Variants in TMEM117 observed in about 807,000 individuals in gnomAD.
TMEM117 encodes the protein transmembrane protein 117.
A neutral mutation model predicts 52.4 loss-of-function variants in TMEM117; 27 were observed. That is an observed-to-expected ratio of 0.51 (90% CI 0.38 to 0.71). TMEM117 has a LOEUF of 0.71. Among genes scored for constraint, TMEM117 ranks in the 30% least tolerant of loss-of-function variants. TMEM117 has a pLI of 0.00. For missense variants in TMEM117, 556 were observed against 630.5 expected (o/e 0.88, Z 1.26); for synonymous variants, 215 against 206.3 (o/e 1.04, Z -0.36).
the TMEM117 span, among the ~76,000 whole-genome samples, chr12:43,827,016 T>C: frequency 1.3e-5 from 2 of 151,568 alleles, no homozygotes; most frequent in Non-Finnish European, 2.9e-5. Context: ...ATTTGAGTTA[T>C]ATTCAAATAT....
At chr12:43,880,014 TA>T (rs1943868598) in intron 2 of TMEM117, among the ~76,000 whole-genome samples, 1 of 152,230 alleles carries the variant, frequency 6.6e-6, no homozygotes, top group Non-Finnish European at 1.5e-5. Context: ...GAATATAAAT[TA>T]AAGCTTTCTT....
In TMEM117 at chr12:44,389,430, C is replaced by T. The variant is rs574200330; in HGVS notation, c.*758C>T. 6.6e-6 allele frequency: 1 copy of T among 152,646 alleles called. No homozygotes were observed. The highest frequency in any genetic ancestry group is 2.4e-5 in the African/African-American group (1 of 41,552). The allele number at this position is 152,646 out of a possible 1,614,324, so 9.5% of individuals were successfully genotyped here. A position where few individuals can be genotyped will look rare whatever the true frequency, so the allele number is the denominator to read the frequency against. ...CTTTGGGAACAAAGGTTAAGAGACA[C>T]AGTTGGGCGAACTCTCAAATTTATT... On this transcript the variant is annotated 3_prime_UTR_variant, in exon 8 of 8. Coordinates refer to ENST00000266534, the MANE Select transcript of TMEM117 (RefSeq NM_032256.3).
Position 43,976,280 on chromosome 12 carries a change from T to G in TMEM117, c.410+31938T>G, listed in dbSNP as rs76675253. Among the ~76,000 whole-genome samples the G allele has an allele frequency of 1.4e-4, 22 of 152,280 alleles. No homozygotes were observed. The East Asian group carries it at 4.3e-3, about 29-fold the overall frequency. On this transcript the variant is annotated intron_variant, in intron 3 of 7. Transcript: ENST00000266534. ...AGTACACTGCAGTATCAGACCATGTTGCCCAGTCTGTCCTGCAGACTGTGG... is the reference window on the plus strand; with the variant it reads ...AGTACACTGCAGTATCAGACCATGTGGCCCAGTCTGTCCTGCAGACTGTGG...
chr12:44,251,047 A>G (rs1265363168), intron 5 of TMEM117, among the ~76,000 whole-genome samples: 1 of 152,170 alleles, frequency 6.6e-6, no homozygotes, highest in East Asian at 1.9e-4. Context: ...GTTCTTGGTC[A>G]CATGATTGCT....
chr12:44,357,034 G>A (rs1308674908), intron 6 of TMEM117, among the ~76,000 whole-genome samples: 1 of 152,062 alleles, frequency 6.6e-6, no homozygotes, highest in Non-Finnish European at 1.5e-5. Flanking sequence ...CTATCACCCA[G>A]ATTCAGCCAT....
At chr12:44,287,694 CTTCCTATGAAAGGCATTGCAG>C (rs1402859703) in intron 5 of TMEM117, among the ~76,000 whole-genome samples, 2 of 152,192 alleles carry the variant, frequency 1.3e-5, no homozygotes, top group Non-Finnish European at 2.9e-5. Flanking sequence ...TATTCAAGTG[CTTCCTATGAAAGGCATTGCAG>C]TGCAGTGCTT....
intron 5 of TMEM117, among the ~76,000 whole-genome samples, chr12:44,247,898 C>T (rs150816486): frequency 9.1e-4 from 139 of 152,288 alleles, no homozygotes; most frequent in African/African-American, 3.1e-3. Flanking sequence ...TCTCTCCCAC[C>T]GCCTTGCCTG....
chr12:43,976,400 G>A (rs926626982), intron 3 of TMEM117, among the ~76,000 whole-genome samples: 2 of 151,940 alleles, frequency 1.3e-5, no homozygotes, highest in African/African-American at 4.8e-5. Flanking sequence ...AGAGTTAGCA[G>A]CCCCCCTAAG....
At chr12:43,967,376 G>C (rs1316967553) in intron 3 of TMEM117, among the ~76,000 whole-genome samples, 1 of 152,080 alleles carries the variant, frequency 6.6e-6, no homozygotes, top group East Asian at 1.9e-4. Context: ...CTCCCACTTG[G>C]ATTCCTAAAG....
chr12:43,994,836 A>C (rs1946001140), intron 3 of TMEM117, among the ~76,000 whole-genome samples: 1 of 152,172 alleles, frequency 6.6e-6, no homozygotes, highest in South Asian at 2.1e-4. Context: ...TGAAGGAGGA[A>C]GTGAACTTTT....
intron 4 of TMEM117, among the ~76,000 whole-genome samples, chr12:44,156,051 G>A (rs181468425): frequency 7.4e-4 from 113 of 152,118 alleles, no homozygotes; most frequent in South Asian, 1.7e-3. Context: ...AAGAACAACC[G>A]GAATCTTTGT....
intron 7 of TMEM117, among the ~76,000 whole-genome samples, chr12:44,384,871 A>G (rs1216619527): frequency 6.6e-6 from 1 of 152,202 alleles, no homozygotes; most frequent in Non-Finnish European, 1.5e-5. Context: ...AATATATTTC[A>G]GAGAATGTTC....
intron 5 of TMEM117, among the ~76,000 whole-genome samples, chr12:44,215,773 A>G (rs1420749073): frequency 2.0e-5 from 3 of 151,868 alleles, no homozygotes; most frequent in Non-Finnish European, 4.4e-5. Flanking sequence ...TAGTAGAGGA[A>G]TTGGTGGAAG....
intron 7 of TMEM117, among the ~76,000 whole-genome samples, chr12:44,381,367 G>A (rs1420108885): frequency 6.6e-6 from 1 of 152,092 alleles, no homozygotes; most frequent in African/African-American, 2.4e-5. Context: ...GTGCATAGAT[G>A]GATTGAAAAT....
At chr12:44,288,940 AC>A (rs1350657334) in intron 5 of TMEM117, among the ~76,000 whole-genome samples, 1 of 152,148 alleles carries the variant, frequency 6.6e-6, no homozygotes, top group Non-Finnish European at 1.5e-5. Flanking sequence ...AATTATAGTC[AC>A]CATGCTGTAC....
intron 3 of TMEM117, among the ~76,000 whole-genome samples, chr12:43,982,716 C>T (rs1278100346): frequency 6.6e-6 from 1 of 152,122 alleles, no homozygotes; most frequent in East Asian, 1.9e-4. Context: ...ACAATCTCTC[C>T]TGGGAGATAA....
intron 5 of TMEM117, among the ~76,000 whole-genome samples, chr12:44,234,979 C>A (rs1171192071): frequency 6.6e-6 from 1 of 151,344 alleles, no homozygotes; most frequent in Non-Finnish European, 1.5e-5. Flanking sequence ...GTGTTCAATT[C>A]ATCTATATTT....
At chr12:44,243,099 G>A (rs1250101318) in intron 5 of TMEM117, among the ~76,000 whole-genome samples, 1 of 151,850 alleles carries the variant, frequency 6.6e-6, no homozygotes, top group South Asian at 2.1e-4. Flanking sequence ...TCTTAATGGG[G>A]TTGTTTGTTT....
chr12:44,235,361 A>T lies in TMEM117; in HGVS notation c.608+23974A>T, dbSNP rs559311308. Among the ~76,000 whole-genome samples the T allele has an allele frequency of 9.2e-4, 138 of 149,644 alleles. 1 individual carries two copies. Among genetic ancestry groups the T allele is most frequent in the African/African-American group, 3.1e-3 (126 of 41,242 alleles). On this transcript the variant is annotated intron_variant, in intron 5 of 7. Coordinates refer to ENST00000266534, the MANE Select transcript of TMEM117 (RefSeq NM_032256.3). ...AATGCACAGTTAGATTTTTAGAAACAATCTGAAAATCTTTTTTTTTTTTGG... is the reference window on the plus strand; with the variant it reads ...AATGCACAGTTAGATTTTTAGAAACTATCTGAAAATCTTTTTTTTTTTTGG...
Sources: gnomAD v4.1 joint callset for allele counts (sites outside exome capture counted in the v4.1 genomes callset) on GRCh38, gnomAD v4.1.1 for gene constraint, MANE v1.5 for transcripts, NCBI Gene and HGNC (gene_info 2026-07-23, HGNC 2026-07-21) for gene names.